The following ATP1A1 variants were observed in gnomAD, a reference collection of about 807,000 sequenced individuals.
ATP1A1 encodes the protein sodium/potassium-transporting ATPase subunit alpha-1.
In ATP1A1, 14 loss-of-function variants were observed where a neutral mutation model predicts 114.8. That is an observed-to-expected ratio of 0.12 (90% CI 0.08 to 0.19). The LOEUF is 0.19. ATP1A1 is among the 10% of genes least tolerant of loss of function. The pLI, the probability that ATP1A1 is intolerant of heterozygous loss-of-function variation, is 1.00. For missense variants in ATP1A1, 524 were observed against 1,290.7 expected, an observed-to-expected ratio of 0.41 and a Z score of 9.10; for synonymous variants, 471 against 466.3, an observed-to-expected ratio of 1.01 and a Z score of -0.13.
intron 1 of ATP1A1, among the ~76,000 whole-genome samples, chr1:116,376,064 C>A: frequency 6.6e-6 from 1 of 152,108 alleles, no homozygotes; most frequent in South Asian, 2.1e-4. Context: ...AGGCCTACCA[C>A]CGGCAACTGT....
At chr1:116,382,888 A>G (rs1651836125) in intron 1 of ATP1A1, among the ~76,000 whole-genome samples, 1 of 152,222 alleles carries the variant, frequency 6.6e-6, no homozygotes, top group African/African-American at 2.4e-5. Context: ...ACCATATGTC[A>G]TGCATTTTAA....
chr1:116,387,513 A>G lies in ATP1A1; in HGVS notation c.387+22A>G. On this transcript the variant is annotated intron_variant, in intron 4 of 22. Coordinates refer to ENST00000295598, the MANE Select transcript of ATP1A1 (RefSeq NM_000701.8). The surrounding 1 kb of genome is among the most constrained non-coding windows in gnomAD (Gnocchi z 6.7). ...TAATGTGAGTTCTGTAATTCAGCAT[A>G]TGGATTTGTAGTACACATCAGATAT... is the stretch of plus-strand genomic sequence containing the variant. The G allele has an allele frequency of 1.2e-6, 2 of 1,612,312 alleles. No homozygotes were observed. The highest frequency in any genetic ancestry group is 2.2e-5 in the East Asian group (1 of 44,874).
chr1:116,373,607 C>A (rs1395382399), intron 1 of ATP1A1, 84 bp downstream of exon 1: 3 of 1,261,372 alleles, frequency 2.4e-6, no homozygotes, highest in East Asian at 6.4e-5. Flanking sequence ...CCGCGGCCAG[C>A]GGGAGGCGGC....
At position 116,400,943 on chromosome 1, in the gene ATP1A1, C is replaced by T. The variant is rs1279984036; in HGVS notation, c.2655C>T (p.Gly885=). The change falls in exon 19 of 23, where the codon GGC becomes GGT. Residue 885 remains glycine, a synonymous_variant. Transcript: ENST00000295598. ...GCTTCCTCCCAATTCACCTGTTGGGCCTCCGAGTGGACTGGGATGACCGCT... is the reference window on the plus strand; with the variant it reads ...GCTTCCTCCCAATTCACCTGTTGGGTCTCCGAGTGGACTGGGATGACCGCT... ...ENGFLPIHLL[G]LRVDWDDRWI... is the part of the protein sequence containing the mutation. The T allele has an allele frequency of 1.2e-6, 2 of 1,614,080 alleles. No homozygotes were observed. Among genetic ancestry groups the T allele is most frequent in the African/African-American group, 1.3e-5 (1 of 74,912 alleles).
Position 116,399,695 on chromosome 1 carries a change from C to T in ATP1A1, c.2572+152C>T. The T allele has an allele frequency of 8.8e-7, 1 of 1,135,198 alleles. No individual in the cohort carries two copies. Among genetic ancestry groups the T allele is most frequent in the Non-Finnish European group, 1.2e-6 (1 of 823,736 alleles). The allele number at this position is 1,135,198 out of a possible 1,614,324, so 70.3% of individuals were successfully genotyped here. A position where few individuals can be genotyped will look rare whatever the true frequency, so the allele number is the denominator to read the frequency against. ...AACGGAGTGAGCCTGTGGAGTTTCT[C>T]TGAACTCTCTTCCATGTGAGAATAC... is the stretch of plus-strand genomic sequence containing the variant. On this transcript the variant is annotated intron_variant, in intron 18 of 22. Coordinates refer to ENST00000295598, the MANE Select transcript of ATP1A1 (RefSeq NM_000701.8). This position sits in a 1 kb window ranked among gnomAD's most constrained non-coding sequence, Gnocchi z 5.0.
intron 18 of ATP1A1, among the ~76,000 whole-genome samples, chr1:116,400,137 C>T (rs1402382584): frequency 6.6e-6 from 1 of 152,222 alleles, no homozygotes; most frequent in Admixed American, 6.5e-5. Flanking sequence ...CTGGCAAAGC[C>T]ACCATGGATG....
Position 116,397,740 on chromosome 1 carries a change from A to G in ATP1A1, c.1974-148A>G, listed in dbSNP as rs887851574. On this transcript the variant is annotated intron_variant, in intron 14 of 22. Transcript: ENST00000295598. The surrounding 1 kb of genome is among the most constrained non-coding windows in gnomAD (Gnocchi z 4.2). ...ATGCTCTGTAACCTGTAAAGTACTG[A>G]ACACTTAATAGCTTTTATGTGCTGG... The G allele has an allele frequency of 2.0e-6, 2 of 981,320 alleles. No individual in the cohort carries two copies. The highest frequency in any genetic ancestry group is 3.0e-6 in the Non-Finnish European group (2 of 676,088). 60.8% of individuals were successfully genotyped at this position (981,320 alleles called of 1,614,324 possible).
Position 116,396,625 on chromosome 1 carries a change from A to G in ATP1A1, c.1864A>G (p.Ile622Val). ...KVIMVTGDHP[I>V]TAKAIAKGVG... The stretch of plus-strand genomic sequence containing the variant: ...CATCATGGTCACAGGAGACCATCCA[A>G]TCACAGCTAAAGCTATTGCCAAAGG... Residue 622 changes from isoleucine to valine, a missense_variant, in exon 14 of 23, where the codon ATC (isoleucine) becomes GTC (valine). Physicochemically the swap from Ile to Val is conservative, Grantham distance 29. Around this residue, in one of 8 missense-constraint regions of ATP1A1, gnomAD observed 12 missense variants for 63.1 expected, o/e 0.19. Coordinates refer to ENST00000295598, the MANE Select transcript of ATP1A1 (RefSeq NM_000701.8). 6.2e-7 allele frequency: 1 copy of G among 1,613,932 alleles called. No homozygotes were observed. The highest frequency in any genetic ancestry group is 8.5e-7 in the Non-Finnish European group (1 of 1,179,928).
chr1:116,387,192 C>T lies in ATP1A1; in HGVS notation c.184-96C>T. 7.0e-7 allele frequency: 1 copy of T among 1,419,008 alleles called. No individual in the cohort carries two copies. The highest frequency in any genetic ancestry group is 9.7e-7 in the Non-Finnish European group (1 of 1,032,010). The allele number at this position is 1,419,008 out of a possible 1,614,324, so 87.9% of individuals were successfully genotyped here. On this transcript the variant is annotated intron_variant, in intron 3 of 22. Coordinates refer to ENST00000295598, the MANE Select transcript of ATP1A1 (RefSeq NM_000701.8). This position sits in a 1 kb window ranked among gnomAD's most constrained non-coding sequence, Gnocchi z 6.7. The stretch of plus-strand genomic sequence containing the variant: ...CTAGCTTGGGACATTTTGTTTCTTC[C>T]TTAAATCCTTATTGCAACCGTCCAG...
Position 116,401,482 on chromosome 1 carries a change from T to C in ATP1A1, c.2850-72T>C. 2 of 1,502,706 alleles carry C rather than the reference T, an allele frequency of 1.3e-6. No individual in the cohort carries two copies. The highest frequency in any genetic ancestry group is 1.8e-6 in the Non-Finnish European group (2 of 1,084,996). The allele number at this position is 1,502,706 out of a possible 1,614,324, so 93.1% of individuals were successfully genotyped here. ...TACATAAAGATGTTGATCTGCCATT[T>C]TAATGCATAGCATTAGAAGATAAAC... On this transcript the variant is annotated intron_variant, in intron 20 of 22. Coordinates refer to ENST00000295598, the MANE Select transcript of ATP1A1 (RefSeq NM_000701.8). The surrounding 1 kb of genome is among the most constrained non-coding windows in gnomAD (Gnocchi z 4.7).
chr1:116,399,435 C>T lies in ATP1A1; in HGVS notation c.2464C>T (p.Leu822=), dbSNP rs750241957. The stretch of plus-strand genomic sequence containing the variant: ...CCCTTCCCAGGTTCCTGCCATCTCC[C>T]TGGCTTATGAGCAGGCTGAGAGTGA... ...LGTDMVPAIS[L]AYEQAESDIM... The change falls in exon 18 of 23, where the codon CTG becomes TTG. Residue 822 remains leucine, a synonymous_variant. Transcript: ENST00000295598. The surrounding 1 kb of genome is among the most constrained non-coding windows in gnomAD (Gnocchi z 5.0). 2 of 1,614,156 alleles carry T rather than the reference C, an allele frequency of 1.2e-6. No individual in the cohort carries two copies. Among genetic ancestry groups the T allele is most frequent in the Non-Finnish European group, 1.7e-6 (2 of 1,180,014 alleles).
rs1651863002 is a variant in ATP1A1, at chr1:116,383,256, C to T, written c.13-758C>T. The T allele has an allele frequency of 6.8e-6, 4 of 591,380 alleles. No individual in the cohort carries two copies. The South Asian group carries it at 1.6e-4, about 23-fold the overall frequency. The allele number at this position is 591,380 out of a possible 1,614,324, so 36.6% of individuals were successfully genotyped here. On this transcript the variant is annotated intron_variant, in intron 1 of 22. Transcript: ENST00000295598. ...TTCAGGCTACAGAATGGGCTGGGCG[C>T]TCCCTTTTTTATCTCTTATGCAAAG...
Position 116,401,419 on chromosome 1 carries a change from T to G in ATP1A1, c.2850-135T>G. On this transcript the variant is annotated intron_variant, in intron 20 of 22. Coordinates refer to ENST00000295598, the MANE Select transcript of ATP1A1 (RefSeq NM_000701.8). This position sits in a 1 kb window ranked among gnomAD's most constrained non-coding sequence, Gnocchi z 4.7. ...GGAAGCAAGAAATGTAGCTTTCTAG[T>G]TTTTTCATCTGACCTCCAAGTTTTC... The G allele has an allele frequency of 1.4e-6, 2 of 1,456,462 alleles. No homozygotes were observed. The highest frequency in any genetic ancestry group is 1.4e-5 in the African/African-American group (1 of 70,582). 90.2% of individuals were successfully genotyped at this position (1,456,462 alleles called of 1,614,324 possible).
chr1:116,373,255 G>C lies in ATP1A1; in HGVS notation c.-257G>C, dbSNP rs1461117775. 1 of 363,326 alleles carries C rather than the reference G, an allele frequency of 2.8e-6. No individual in the cohort carries two copies. Among genetic ancestry groups the C allele is most frequent in the Non-Finnish European group, 4.9e-6 (1 of 203,778 alleles). The allele number at this position is 363,326 out of a possible 1,614,324, so 22.5% of individuals were successfully genotyped here. A position where few individuals can be genotyped will look rare whatever the true frequency, so the allele number is the denominator to read the frequency against. On this transcript the variant is annotated 5_prime_UTR_variant, in exon 1 of 23. Transcript: ENST00000295598. ...AGGAGGCGCGGGCTGGAGCTGCGGC[G>C]GGGTCTGGGGCGCAGAGCAGCGGCG... is the stretch of plus-strand genomic sequence containing the variant.
At chr1:116,380,469 G>A (rs954767525) in intron 1 of ATP1A1, among the ~76,000 whole-genome samples, 4 of 152,170 alleles carry the variant, frequency 2.6e-5, no homozygotes, top group African/African-American at 4.8e-5. Context: ...GGCCTTTGGC[G>A]GTGGCTATAG....
At position 116,404,454 on chromosome 1, in the gene ATP1A1, C is replaced by T; in HGVS notation, c.*10C>T. On this transcript the variant is annotated 3_prime_UTR_variant, in exon 23 of 23. Coordinates refer to ENST00000295598, the MANE Select transcript of ATP1A1 (RefSeq NM_000701.8). The surrounding 1 kb of genome is among the most constrained non-coding windows in gnomAD (Gnocchi z 4.8). ...GGAAACCTACTATTAGCCCCCCGTC[C>T]TGCACGCCGTGGAGCATCAGGCCAC... 1 of 1,609,864 alleles carries T rather than the reference C, an allele frequency of 6.2e-7. No homozygotes were observed. Among genetic ancestry groups the T allele is most frequent in the Non-Finnish European group, 8.5e-7 (1 of 1,178,830 alleles).
Position 116,384,602 on chromosome 1 carries a change from T to C in ATP1A1, c.124-181T>C, listed in dbSNP as rs1651957254. Among the ~76,000 whole-genome samples, 2 of 152,210 alleles carry C rather than the reference T, an allele frequency of 1.3e-5. No individual in the cohort carries two copies. The highest frequency in any genetic ancestry group is 4.8e-5 in the African/African-American group (2 of 41,454). ...CCATTCTCCAGTGAAGAGCTGTCAATGATAACTGTGTGGTTGCAAAGCCAC... is the reference window on the plus strand; with the variant it reads ...CCATTCTCCAGTGAAGAGCTGTCAACGATAACTGTGTGGTTGCAAAGCCAC... On this transcript the variant is annotated intron_variant, in intron 2 of 22. Transcript: ENST00000295598. This position sits in a 1 kb window ranked among gnomAD's most constrained non-coding sequence, Gnocchi z 5.1.
chr1:116,373,640 G>T, intron 1 of ATP1A1, 117 bp downstream of exon 1: 1 of 1,183,090 alleles, frequency 8.5e-7, no homozygotes, highest in Non-Finnish European at 1.1e-6. Context: ...GGCGCCGCGT[G>T]GAGTGGGCTG....
rs141524383 is a variant in ATP1A1 at position 116,404,660 on chromosome 1, CG to C, written c.*220del. ...AACCATCCATCTGTGGAAATGACAG[CG>C]GGGAAGGTTTTTATGTGCCTTTTTG... On this transcript the variant is annotated 3_prime_UTR_variant, in exon 23 of 23. Coordinates refer to ENST00000295598, the MANE Select transcript of ATP1A1 (RefSeq NM_000701.8). This position sits in a 1 kb window ranked among gnomAD's most constrained non-coding sequence, Gnocchi z 4.8. The C allele has an allele frequency of 6.2e-6, 8 of 1,290,958 alleles. No individual in the cohort carries two copies. Among genetic ancestry groups the C allele is most frequent in the Non-Finnish European group, 6.8e-6 (7 of 1,023,484 alleles). 80.0% of individuals were successfully genotyped at this position (1,290,958 alleles called of 1,614,324 possible). A position where few individuals can be genotyped will look rare whatever the true frequency, so the allele number is the denominator to read the frequency against.
Sources: gnomAD v4.1 joint callset for allele counts (sites outside exome capture counted in the v4.1 genomes callset) on GRCh38, gnomAD v4.1.1 for gene constraint, gnomAD v4.1.1 regional missense constraint, Gnocchi (gnomAD v3.1) non-coding constraint, MANE v1.5 for transcripts, NCBI Gene and HGNC (gene_info 2026-07-23, HGNC 2026-07-21) for gene names.